Variants in RXFP1 observed in about 807,000 individuals in gnomAD.
The protein encoded by RXFP1 is relaxin family peptide receptor 1.
RXFP1 carries 73 observed loss-of-function variants against 89.8 expected under a neutral mutation model. The ratio of observed to expected loss-of-function variants is 0.81; its 90% confidence interval spans 0.67 to 0.99. The LOEUF is 0.99. Among genes scored for constraint, RXFP1 ranks in the 50% least tolerant of loss-of-function variants. The pLI is 0.00. For synonymous variants in RXFP1, 277 were observed against 305.5 expected (o/e 0.91, Z 0.97); for missense variants, 793 against 895.5 (o/e 0.89, Z 1.46).
intron 3 of RXFP1, among the ~76,000 whole-genome samples, chr4:158,596,049 A>T (rs1760519195): frequency 6.6e-6 from 1 of 151,880 alleles, no homozygotes; most frequent in Non-Finnish European, 1.5e-5. Context: ...TTGAAGCTGC[A>T]GTGAGCTGTG....
chr4:158,544,122 C>T, intron 1 of RXFP1: 3 of 980,232 alleles, frequency 3.1e-6, no homozygotes, highest in Non-Finnish European at 3.6e-6. Context: ...TAATTTACTT[C>T]CTAAATATAA....
At chr4:158,536,975 A>C (rs552294547) in intron 1 of RXFP1, among the ~76,000 whole-genome samples, 2 of 151,912 alleles carry the variant, frequency 1.3e-5, no homozygotes, top group East Asian at 3.9e-4. Flanking sequence ...TACTGTTTCC[A>C]AAAAAAGTGA....
chr4:158,649,657 C>T (rs1772259625), intron 17 of RXFP1, among the ~76,000 whole-genome samples: 1 of 151,858 alleles, frequency 6.6e-6, no homozygotes, highest in African/African-American at 2.4e-5. Flanking sequence ...TGCATTACAT[C>T]CATTAGGATG....
intron 2 of RXFP1, 83 bp from the exon 3 acceptor site, chr4:158,593,318 T>A: frequency 2.6e-6 from 2 of 770,282 alleles, no homozygotes; most frequent in Non-Finnish European, 4.3e-6. Context: ...ACTGGACTGT[T>A]TTAAAGAGAG....
chr4:158,644,836 G>C (rs1771203465), intron 14 of RXFP1, 73 bp from the exon 15 acceptor site: 4 of 994,890 alleles, frequency 4.0e-6, no homozygotes, highest in Admixed American at 4.5e-5. Context: ...ATAAAATGTA[G>C]GAAATAAATA....
At position 158,559,616 on chromosome 4, in the gene RXFP1, G is replaced by A. The variant is rs568565421; in HGVS notation, c.50-13082G>A. ...TTATCCAATATTAAGACAAGCATCC[G>A]TGAGTTATAATTTTATGGTTGATGT... On this transcript the variant is annotated intron_variant, in intron 1 of 17. Coordinates refer to ENST00000307765, the MANE Select transcript of RXFP1 (RefSeq NM_021634.4). Among the ~76,000 whole-genome samples the A allele has an allele frequency of 2.3e-4, 35 of 152,168 alleles. No homozygotes were observed. The South Asian group carries it at 3.7e-3, about 16-fold the overall frequency.
At chr4:158,532,558 G>A (rs1744314412) in intron 1 of RXFP1, among the ~76,000 whole-genome samples, 1 of 152,116 alleles carries the variant, frequency 6.6e-6, no homozygotes, top group Admixed American at 6.5e-5. Flanking sequence ...CAGGTAGAGA[G>A]GTGAACATCT....
chr4:158,603,979 A>G (rs1033419193), intron 4 of RXFP1, among the ~76,000 whole-genome samples: 2 of 150,786 alleles, frequency 1.3e-5, no homozygotes, highest in Non-Finnish European at 3.0e-5. Flanking sequence ...ACATTTAAAA[A>G]GTAAGATTTT....
chr4:158,562,719 G>T (rs943673001), intron 1 of RXFP1, among the ~76,000 whole-genome samples: 1 of 151,798 alleles, frequency 6.6e-6, no homozygotes. Flanking sequence ...AAGGAACCCC[G>T]AGTGCACACC....
At chr4:158,636,910 C>T (rs571953620) in intron 12 of RXFP1, among the ~76,000 whole-genome samples, 1 of 152,250 alleles carries the variant, frequency 6.6e-6, no homozygotes, top group South Asian at 2.1e-4. Flanking sequence ...AATCCTTTCC[C>T]ACCTGCCTCT....
chr4:158,559,364 A>T (rs901605784), intron 1 of RXFP1, among the ~76,000 whole-genome samples: 1 of 152,150 alleles, frequency 6.6e-6, no homozygotes, highest in African/African-American at 2.4e-5. Flanking sequence ...CCTTCCTGAA[A>T]CCCTAATTTT....
In RXFP1 at chr4:158,645,889, A is replaced by G. The variant is rs545361920; in HGVS notation, c.1345+751A>G. On this transcript the variant is annotated intron_variant, in intron 15 of 17. Coordinates refer to ENST00000307765, the MANE Select transcript of RXFP1 (RefSeq NM_021634.4). ...GTTTTTTTTTTATTGCAAGCTATGT[A>G]AGAAACAGAACTCAGAAGCCATTTA... Among the ~76,000 whole-genome samples the G allele has an allele frequency of 2.6e-5, 4 of 152,244 alleles. No individual in the cohort carries two copies. In the East Asian group the frequency reaches 7.7e-4, roughly 29 times the overall value.
chr4:158,595,503 T>C (rs753696782), intron 3 of RXFP1, among the ~76,000 whole-genome samples: 40 of 152,226 alleles, frequency 2.6e-4, no homozygotes, highest in Middle Eastern at 3.2e-3. Context: ...ACTAGTGTTA[T>C]GAATTAGTAG....
intron 6 of RXFP1, among the ~76,000 whole-genome samples, chr4:158,610,200 G>T (rs1763313369): frequency 6.6e-6 from 1 of 152,130 alleles, no homozygotes; most frequent in Non-Finnish European, 1.5e-5. Context: ...GGGGGGCGGA[G>T]GTTGCAGTGA....
In RXFP1 at chr4:158,605,135, AAG is replaced by A; in HGVS notation, c.461_462del (p.Lys154ThrfsTer7). 6.3e-7 allele frequency: 1 copy of A among 1,579,868 alleles called. No homozygotes were observed. Among genetic ancestry groups the A allele is most frequent in the Non-Finnish European group, 8.7e-7 (1 of 1,154,488 alleles). On this transcript the variant is annotated frameshift_variant and splice_region_variant, in exon 5 of 18. Coordinates refer to ENST00000307765, the MANE Select transcript of RXFP1 (RefSeq NM_021634.4). LOFTEE classifies it high-confidence loss of function. The part of the protein sequence containing the change: ...DCFKNYHDLQ[K>X]LYLQNNKITS... ...CTTCAAGAATTATCATGATCTTCAG[AAG>A]CTGTAAGAAAATACTTAATTCCTGG...
At chr4:158,631,514 A>T (rs1035982399) in intron 11 of RXFP1, among the ~76,000 whole-genome samples, 1 of 152,212 alleles carries the variant, frequency 6.6e-6, no homozygotes, top group Non-Finnish European at 1.5e-5. Context: ...GTATGATGTT[A>T]TATGTGCTAT....
At chr4:158,565,215 C>T (rs1561020540) in intron 1 of RXFP1, among the ~76,000 whole-genome samples, 1 of 152,138 alleles carries the variant, frequency 6.6e-6, no homozygotes, top group East Asian at 1.9e-4. Context: ...AAGCTTCTCT[C>T]ACTGTCAGGA....
At chr4:158,645,432 A>ATCT (rs1315133218) in intron 15 of RXFP1, among the ~76,000 whole-genome samples, 1 of 152,164 alleles carries the variant, frequency 6.6e-6, no homozygotes, top group East Asian at 1.9e-4. Context: ...CGCATCTAAA[A>ATCT]TCTTTTACTA....
At chr4:158,639,782 C>A (rs983266187) in intron 14 of RXFP1, among the ~76,000 whole-genome samples, 7 of 152,124 alleles carry the variant, frequency 4.6e-5, no homozygotes, top group African/African-American at 9.7e-5. Flanking sequence ...ATCGCTTGAA[C>A]CCTGGAGGTG....
Sources: allele counts gnomAD v4.1 joint callset (sites outside exome capture counted in the v4.1 genomes callset), GRCh38; gene constraint gnomAD v4.1.1; transcripts MANE v1.5; gene names NCBI Gene and HGNC (gene_info 2026-07-23, HGNC 2026-07-21).